CHD9: variants seen among roughly 807,000 people sequenced by gnomAD.
The protein encoded by CHD9 is ATP-dependent chromatin remodeler CHD9.
In CHD9, 77 loss-of-function variants were observed where a neutral mutation model predicts 316.1. The ratio of observed to expected loss-of-function variants is 0.24; its 90% CI spans 0.20 to 0.29. The LOEUF is 0.29. Ranked by LOEUF, CHD9 falls within the 10% of genes least tolerant of loss-of-function variation. CHD9 has a pLI of 1.00. For missense variants in CHD9, 2,763 were observed against 3,438.1 expected (o/e 0.80, Z 4.91); for synonymous variants, 1,129 against 1,158.3 (o/e 0.97, Z 0.51).
intron 17 of CHD9, among the ~76,000 whole-genome samples, chr16:53,252,692 A>G (rs2050225567): frequency 1.3e-5 from 2 of 151,900 alleles, no homozygotes; most frequent in South Asian, 2.1e-4. Flanking sequence ...AACAAACTCA[A>G]ATCAGAAAAA....
At chr16:53,234,565 T>A (rs567214697) in intron 10 of CHD9, among the ~76,000 whole-genome samples, 1 of 152,152 alleles carries the variant, frequency 6.6e-6, no homozygotes, top group African/African-American at 2.4e-5. Context: ...ATACTTTTTC[T>A]GCATCTACTG....
chr16:53,250,631 A>G (rs939876009), intron 17 of CHD9: 4 of 152,174 alleles, frequency 2.6e-5, no homozygotes, highest in African/African-American at 7.2e-5. Context: ...TGCTTTTTTA[A>G]TAAAATAGAA....
intron 15 of CHD9, among the ~76,000 whole-genome samples, chr16:53,246,500 GT>G (rs1165304554): frequency 1.4e-5 from 2 of 141,204 alleles, no homozygotes; most frequent in Non-Finnish European, 3.2e-5. Context: ...CTTTTTCTGT[GT>G]TTTTTTGTTG....
chr16:53,084,600 G>A (rs757360172), intron 1 of CHD9, among the ~76,000 whole-genome samples: 3 of 152,134 alleles, frequency 2.0e-5, no homozygotes, highest in South Asian at 2.1e-4. Context: ...AAAATTAGCC[G>A]GGCGTGGTGG....
At chr16:53,193,756 T>C (rs1241763579) in intron 2 of CHD9, among the ~76,000 whole-genome samples, 1 of 152,198 alleles carries the variant, frequency 6.6e-6, no homozygotes, top group Non-Finnish European at 1.5e-5. Context: ...TCTGAAATCC[T>C]TTAGTTGAAT....
At chr16:53,239,557 G>T (rs1208405131) in intron 12 of CHD9, among the ~76,000 whole-genome samples, 2 of 151,880 alleles carry the variant, frequency 1.3e-5, no homozygotes, top group African/African-American at 2.4e-5. Flanking sequence ...AATGGAAAAG[G>T]TTTATCTCCT....
chr16:53,060,826 G>T (rs1474541547), intron 1 of CHD9, among the ~76,000 whole-genome samples: 1 of 152,074 alleles, frequency 6.6e-6, no homozygotes, highest in East Asian at 1.9e-4. Flanking sequence ...GAAGCTGACG[G>T]GGGAGGATCA....
intron 2 of CHD9, chr16:53,169,338 G>A (rs1446125284): frequency 6.6e-6 from 1 of 152,140 alleles, no homozygotes; most frequent in African/African-American, 2.4e-5. Flanking sequence ...GGAATTACAA[G>A]CATGAGCCAT....
chr16:53,275,037 A>G (rs1322700420), intron 24 of CHD9, among the ~76,000 whole-genome samples: 2 of 151,910 alleles, frequency 1.3e-5, no homozygotes, highest in African/African-American at 2.4e-5. Flanking sequence ...TTGTTTGTTT[A>G]TTTATTTATT....
At chr16:53,135,150 G>T (rs1449964681) in intron 1 of CHD9, among the ~76,000 whole-genome samples, 1 of 152,088 alleles carries the variant, frequency 6.6e-6, no homozygotes, top group Non-Finnish European at 1.5e-5. Flanking sequence ...ACACAGGAAA[G>T]AACTTAATAT....
chr16:53,074,052 A>T (rs2034317313), intron 1 of CHD9, among the ~76,000 whole-genome samples: 1 of 152,212 alleles, frequency 6.6e-6, no homozygotes, highest in South Asian at 2.1e-4. Context: ...AAATACTGAT[A>T]ATGATATGGA....
At chr16:53,242,085 T>C (rs1004073776) in intron 12 of CHD9, among the ~76,000 whole-genome samples, 2 of 152,160 alleles carry the variant, frequency 1.3e-5, no homozygotes, top group African/African-American at 4.8e-5. Flanking sequence ...ATGCTTTCTT[T>C]TATAGATCTC....
At chr16:53,199,964 G>A (rs1040521260) in intron 2 of CHD9, among the ~76,000 whole-genome samples, 4 of 152,162 alleles carry the variant, frequency 2.6e-5, no homozygotes, top group Non-Finnish European at 5.9e-5. Flanking sequence ...CGGCTGGCAC[G>A]GTGGCTCATG....
chr16:53,278,624 G>A (rs568178050), intron 24 of CHD9, among the ~76,000 whole-genome samples: 4 of 152,176 alleles, frequency 2.6e-5, no homozygotes, highest in Admixed American at 2.0e-4. Context: ...CTGACAAAGG[G>A]CTAATATCCA....
At chr16:53,097,017 G>A (rs1039547350) in intron 1 of CHD9, among the ~76,000 whole-genome samples, 1 of 151,906 alleles carries the variant, frequency 6.6e-6, no homozygotes, top group African/African-American at 2.4e-5. Flanking sequence ...TGCAAGCACC[G>A]TTTAAAGACC....
chr16:53,080,103 T>G (rs1359972443), intron 1 of CHD9, among the ~76,000 whole-genome samples: 3 of 152,108 alleles, frequency 2.0e-5, no homozygotes, highest in Non-Finnish European at 4.4e-5. Flanking sequence ...CTCCAGGTAG[T>G]TAGTGTCAGA....
intron 24 of CHD9, among the ~76,000 whole-genome samples, chr16:53,284,349 G>GTA (rs201001186): frequency 0.042 from 6,294 of 150,962 alleles, 167 homozygotes; most frequent in Non-Finnish European, 0.064. Flanking sequence ...ATGTGTGTGT[G>GTA]TGTATATATA....
At chr16:53,206,009 A>G (rs980366230) in intron 2 of CHD9, among the ~76,000 whole-genome samples, 1 of 151,836 alleles carries the variant, frequency 6.6e-6, no homozygotes, top group Non-Finnish European at 1.5e-5. Flanking sequence ...CTGGAGTGCA[A>G]TGGCATTATC....
intron 1 of CHD9, among the ~76,000 whole-genome samples, chr16:53,120,973 T>A (rs1387782604): frequency 6.6e-6 from 1 of 152,200 alleles, no homozygotes; most frequent in East Asian, 1.9e-4. Context: ...GCCACTGCAC[T>A]CCAGCCTGGG....
Sources: allele counts gnomAD v4.1 joint callset (sites outside exome capture counted in the v4.1 genomes callset), GRCh38; gene constraint gnomAD v4.1.1; transcripts MANE v1.5; gene names NCBI Gene and HGNC (gene_info 2026-07-23, HGNC 2026-07-21).